The following FHL2 variants were observed in gnomAD, a reference collection of about 807,000 sequenced individuals.
FHL2 encodes four and a half LIM domains protein 2.
Under a neutral mutation model 32.7 loss-of-function variants are expected in FHL2, and 20 were observed. That is an observed-to-expected ratio of 0.61 (90% CI 0.43 to 0.89). FHL2 has a LOEUF of 0.89. FHL2 is among the 40% of genes least tolerant of loss of function. FHL2 has a pLI of 0.00. For missense variants in FHL2, 311 were observed against 358.6 expected, an observed-to-expected ratio of 0.87 and a Z score of 1.07; for synonymous variants, 123 against 128.1, an observed-to-expected ratio of 0.96 and a Z score of 0.27.
chr2:105,436,048 T>G (rs1231628533), intron 1 of FHL2, among the ~76,000 whole-genome samples: 1 of 152,216 alleles, frequency 6.6e-6, no homozygotes, highest in African/African-American at 2.4e-5. Flanking sequence ...TCCTCTTTTC[T>G]CCATCTAAAA....
upstream of FHL2, among the ~76,000 whole-genome samples, chr2:105,403,764 AATAGAG>A (rs1276931265): frequency 1.3e-5 from 2 of 152,206 alleles, no homozygotes; most frequent in Non-Finnish European, 2.9e-5. Flanking sequence ...GGGACAGGGA[AATAGAG>A]ATAGACTAAA....
At chr2:105,411,200 A>C (rs938777190) in intron 1 of FHL2, among the ~76,000 whole-genome samples, 45 of 152,334 alleles carry the variant, frequency 3.0e-4, no homozygotes, top group Non-Finnish European at 4.9e-4. Flanking sequence ...TTCTAAAATT[A>C]AGGCAGACTG....
intron 1 of FHL2, among the ~76,000 whole-genome samples, chr2:105,418,567 G>A (rs563800495): frequency 7.2e-5 from 11 of 152,288 alleles, no homozygotes; most frequent in African/African-American, 1.7e-4. Flanking sequence ...AGCAGTTTCC[G>A]TTCTGCACTT....
intron 3 of FHL2, chr2:105,386,069 T>C: frequency 2.3e-6 from 1 of 437,992 alleles, no homozygotes; most frequent in African/African-American, 2.0e-5. Context: ...AGTTCCAGTA[T>C]TGGTAGGCAG....
At position 105,398,880 on chromosome 2, in the gene FHL2, G is replaced by C; in HGVS notation, c.-114C>G. 1.3e-6 allele frequency: 2 copies of C among 1,515,342 alleles called. No homozygotes were observed. Among genetic ancestry groups the C allele is most frequent in the Non-Finnish European group, 1.8e-6 (2 of 1,135,212 alleles). The allele number at this position is 1,515,342 out of a possible 1,614,324, so 93.9% of individuals were successfully genotyped here. A position where few individuals can be genotyped will look rare whatever the true frequency, so the allele number is the denominator to read the frequency against. ...TCCGGCTCTGCTCCCCTCTCCTTGG[G>C]TCTCGCACCGGATTCGGCCCCCACT... On this transcript the variant is annotated 5_prime_UTR_variant, in exon 1 of 7. Coordinates refer to ENST00000530340, the MANE Select transcript of FHL2 (RefSeq NM_001318895.3).
chr2:105,374,657 G>A (rs1380200365), intron 3 of FHL2: 1 of 152,102 alleles, frequency 6.6e-6, no homozygotes, highest in African/African-American at 2.4e-5. Flanking sequence ...CAGAAAACTC[G>A]ACTCCACACT....
intron 1 of FHL2, among the ~76,000 whole-genome samples, chr2:105,417,897 A>C (rs1683981159): frequency 6.6e-6 from 1 of 152,074 alleles, no homozygotes. Context: ...ATTCCTGCTA[A>C]GGCACTAGGA....
intron 1 of FHL2, among the ~76,000 whole-genome samples, chr2:105,431,705 A>G (rs760921925): frequency 9.9e-5 from 15 of 152,244 alleles, no homozygotes; most frequent in Admixed American, 2.6e-4. Flanking sequence ...ACGTTTGGGA[A>G]AAGGAGACAC....
At chr2:105,406,388 G>A (rs1046073661) in intron 1 of FHL2, among the ~76,000 whole-genome samples, 1 of 152,074 alleles carries the variant, frequency 6.6e-6, no homozygotes, top group African/African-American at 2.4e-5. Context: ...GGGTTCCAGC[G>A]GTGAATCACC....
At chr2:105,391,947 TCA>T (rs922913244) in intron 2 of FHL2, among the ~76,000 whole-genome samples, 18 of 152,334 alleles carry the variant, frequency 1.2e-4, no homozygotes, top group Admixed American at 1.2e-3. Context: ...AAATTCCAAA[TCA>T]CAGTTTCCTG....
intron 1 of FHL2, among the ~76,000 whole-genome samples, chr2:105,422,148 G>A (rs1463309814): frequency 1.3e-5 from 2 of 152,324 alleles, no homozygotes; most frequent in East Asian, 1.9e-4. Flanking sequence ...GAAAGGAAAA[G>A]CCATAGTAAG....
At chr2:105,381,854 G>T (rs1681917206) in intron 3 of FHL2, among the ~76,000 whole-genome samples, 1 of 152,140 alleles carries the variant, frequency 6.6e-6, no homozygotes, top group African/African-American at 2.4e-5. Context: ...TGGACCCTGA[G>T]AATGTGACTG....
chr2:105,397,010 G>GTTTTTTTTTTTTTTTTT (rs35576785), intron 1 of FHL2: 1 of 108,292 alleles, frequency 9.2e-6, no homozygotes, highest in Non-Finnish European at 1.7e-5. Context: ...TATCTAGTCT[G>GTTTTTTTTTTTTTTTTT]TTTTTTTTTT....
rs144799907 is a variant in FHL2 at position 105,367,908 on chromosome 2, G to A, written c.332-169C>T. On this transcript the variant is annotated intron_variant, in intron 4 of 6. Transcript: ENST00000530340. ...AGGTAATTCCTATTTTGTGCAGGGC[G>A]TGGACTTTGTCTTTTGGTTCACTAC... Among the ~76,000 whole-genome samples the A allele has an allele frequency of 5.3e-5, 8 of 152,308 alleles. No homozygotes were observed. The East Asian group carries it at 9.6e-4, about 18-fold the overall frequency.
At chr2:105,387,454 C>G (rs547883231) in intron 2 of FHL2, among the ~76,000 whole-genome samples, 1 of 152,118 alleles carries the variant, frequency 6.6e-6, no homozygotes, top group Admixed American at 6.5e-5. Flanking sequence ...TTGCTCCCTG[C>G]GGGTAAGATC....
chr2:105,430,641 C>T (rs1396842725), intron 1 of FHL2, among the ~76,000 whole-genome samples: 1 of 152,184 alleles, frequency 6.6e-6, no homozygotes, highest in Non-Finnish European at 1.5e-5. Context: ...GCACTCCAGC[C>T]TGGGCAACAA....
chr2:105,364,808 GAGACTC>G (rs1680515799), intron 5 of FHL2, among the ~76,000 whole-genome samples: 1 of 152,216 alleles, frequency 6.6e-6, no homozygotes, highest in South Asian at 2.1e-4. Flanking sequence ...TGAGTAAACT[GAGACTC>G]AGAGAAATTA....
chr2:105,407,951 C>A (rs1439833553), intron 1 of FHL2, among the ~76,000 whole-genome samples: 3 of 152,150 alleles, frequency 2.0e-5, no homozygotes, highest in Non-Finnish European at 2.9e-5. Flanking sequence ...CTGCTTGAAG[C>A]TTGTTGATTT....
upstream of FHL2, among the ~76,000 whole-genome samples, chr2:105,402,955 A>G (rs1459073308): frequency 6.6e-6 from 1 of 152,264 alleles, no homozygotes. Context: ...TTGATCTTTG[A>G]AGTCAAGCCA....
Sources: gnomAD v4.1 joint callset for allele counts (sites outside exome capture counted in the v4.1 genomes callset) on GRCh38, gnomAD v4.1.1 for gene constraint, MANE v1.5 for transcripts, NCBI Gene and HGNC (gene_info 2026-07-23, HGNC 2026-07-21) for gene names.